The following NFAM1 variants were observed in gnomAD, a reference collection of about 807,000 sequenced individuals.
NFAM1 encodes NFAT activation molecule 1.
In NFAM1, 17 loss-of-function variants were observed where a neutral mutation model predicts 29.0. The observed-to-expected ratio is 0.59, with a 90% CI of 0.40 to 0.88. The LOEUF (loss-of-function observed/expected upper bound fraction) is 0.88, where lower values mean the gene tolerates loss of function less well. Ranked by LOEUF, NFAM1 falls within the 40% of genes least tolerant of loss-of-function variation. NFAM1 has a pLI of 0.00. For missense variants in NFAM1, 324 were observed against 344.6 expected (o/e 0.94, Z 0.47); for synonymous variants, 175 against 147.2 (o/e 1.19, Z -1.36).
chr22:42,397,222 T>C (rs1443328631), intron 4 of NFAM1, among the ~76,000 whole-genome samples: 1 of 152,170 alleles, frequency 6.6e-6, no homozygotes, highest in African/African-American at 2.4e-5. Context: ...TGGGGCAGCC[T>C]GGCCTCCTCG....
Position 42,380,508 on chromosome 22 carries a change from CAG to C in NFAM1, c.*4651_*4652del, listed in dbSNP as rs1928906677. 6.6e-6 allele frequency: 1 copy of C among 152,546 alleles called. No individual in the cohort carries two copies. The highest frequency in any genetic ancestry group is 2.4e-5 in the African/African-American group (1 of 41,454). 9.4% of individuals were successfully genotyped at this position (152,546 alleles called of 1,614,324 possible). A position where few individuals can be genotyped will look rare whatever the true frequency, so the allele number is the denominator to read the frequency against. On this transcript the variant is annotated 3_prime_UTR_variant, in exon 6 of 6. Transcript: ENST00000329021. The stretch of plus-strand genomic sequence containing the variant: ...ACAAAACACACGCCAACACCAAGTT[CAG>C]AGAGTCTGGCCTGACCCGCGCTCAG...
chr22:42,409,562 A>G lies in NFAM1; in HGVS notation c.452-15T>C, dbSNP rs752155180. The G allele has an allele frequency of 1.2e-5, 15 of 1,282,114 alleles. No homozygotes were observed. Among genetic ancestry groups the G allele is most frequent in the South Asian group, 9.3e-5 (6 of 64,294 alleles). 79.4% of individuals were successfully genotyped at this position (1,282,114 alleles called of 1,614,324 possible). On this transcript the variant is annotated splice_polypyrimidine_tract_variant and intron_variant, in intron 2 of 5. Transcript: ENST00000329021. The surrounding 1 kb of genome is among the most constrained non-coding windows in gnomAD (Gnocchi z 4.9). ...GTACCCTGCGTCTAGGAGGAAGCGC[A>G]GGGGAGCAGAGGGGTCAGTGACCCA... is the stretch of plus-strand genomic sequence containing the variant.
At position 42,398,575 on chromosome 22, in the gene NFAM1, C is replaced by T. The variant is rs947203486; in HGVS notation, c.565-619G>A. Reference sequence around the variant, plus strand: ...CTACGGGCATGTGTGCCACCACGCCCGGCTAATTTTGTATTTTTAGTAGAG... The same window carrying T: ...CTACGGGCATGTGTGCCACCACGCCTGGCTAATTTTGTATTTTTAGTAGAG... On this transcript the variant is annotated intron_variant, in intron 3 of 5. Transcript: ENST00000329021. Among the ~76,000 whole-genome samples the T allele has an allele frequency of 7.2e-5, 11 of 151,932 alleles. No homozygotes were observed. The East Asian group carries it at 1.4e-3, about 19-fold the overall frequency.
intron 3 of NFAM1, among the ~76,000 whole-genome samples, chr22:42,404,160 C>T (rs1375213083): frequency 6.6e-6 from 1 of 152,136 alleles, no homozygotes; most frequent in Non-Finnish European, 1.5e-5. Flanking sequence ...TCCCTGCTGG[C>T]CTTTGCAGAA....
chr22:42,413,333 T>A (rs1930155114), intron 1 of NFAM1, among the ~76,000 whole-genome samples: 1 of 152,156 alleles, frequency 6.6e-6, no homozygotes, highest in African/African-American at 2.4e-5. Context: ...TCAGTTCAGC[T>A]CTGAGCCAGA....
intron 3 of NFAM1, among the ~76,000 whole-genome samples, chr22:42,402,466 G>T (rs1011210507): frequency 9.9e-5 from 15 of 152,204 alleles, no homozygotes; most frequent in African/African-American, 3.4e-4. Flanking sequence ...ACAGAGCGCG[G>T]AAGGGCTCGG....
chr22:42,427,521 A>G (rs573315313), intron 1 of NFAM1, among the ~76,000 whole-genome samples: 1 of 152,344 alleles, frequency 6.6e-6, no homozygotes, highest in South Asian at 2.1e-4. Flanking sequence ...TAGAAGCCAC[A>G]TGAGTCCGCA....
At chr22:42,421,005 C>A (rs1930426006) in intron 1 of NFAM1, among the ~76,000 whole-genome samples, 1 of 152,112 alleles carries the variant, frequency 6.6e-6, no homozygotes, top group Admixed American at 6.5e-5. Context: ...GCCTGTGGCT[C>A]CCAAAACAGG....
intron 3 of NFAM1, among the ~76,000 whole-genome samples, chr22:42,403,811 C>T (rs1302741355): frequency 1.3e-5 from 2 of 152,192 alleles, no homozygotes; most frequent in African/African-American, 4.8e-5. Flanking sequence ...AGGGGACCTA[C>T]AGATGACGAG....
intron 1 of NFAM1, among the ~76,000 whole-genome samples, 188 bp from the exon 2 acceptor site, chr22:42,411,924 C>A (rs1930109952): frequency 6.6e-6 from 1 of 152,160 alleles, no homozygotes; most frequent in Non-Finnish European, 1.5e-5. Flanking sequence ...ATGGTGAAAC[C>A]CCGTCTCTAC....
intron 5 of NFAM1, among the ~76,000 whole-genome samples, chr22:42,385,531 C>T (rs1929107975): frequency 6.6e-6 from 1 of 152,128 alleles, no homozygotes; most frequent in Non-Finnish European, 1.5e-5. Flanking sequence ...ACACCTGTTC[C>T]ATGACTGCCC....
In NFAM1 at chr22:42,411,715, G is replaced by C. The variant is rs1409125546; in HGVS notation, c.143C>G (p.Thr48Ser). 1.2e-6 allele frequency: 2 copies of C among 1,613,634 alleles called. No homozygotes were observed. Among genetic ancestry groups the C allele is most frequent in the African/African-American group, 2.7e-5 (2 of 74,940 alleles). ...CAGGGAGGCCATGATGGGCAGGCCG[G>C]TGTGGGTCACTGACTGTCCTCCTGG... ...RLAGGQSVTH[T>S]GLPIMASLAN... is the part of the protein sequence containing the mutation. Residue 48 changes from threonine to serine, a missense_variant, in exon 2 of 6, where the codon ACC becomes AGC. Thr to Ser is a moderately conservative substitution (Grantham distance 58). Coordinates refer to ENST00000329021, the MANE Select transcript of NFAM1 (RefSeq NM_145912.8).
chr22:42,408,012 C>T (rs1266021762), intron 3 of NFAM1, among the ~76,000 whole-genome samples: 1 of 150,848 alleles, frequency 6.6e-6, no homozygotes, highest in Non-Finnish European at 1.5e-5. Flanking sequence ...AAGCAATTCT[C>T]CTGCCTCAGC....
chr22:42,399,462 A>G (rs1201206595), intron 3 of NFAM1, among the ~76,000 whole-genome samples: 1 of 103,216 alleles, frequency 9.7e-6, no homozygotes, highest in African/African-American at 4.5e-5. Context: ...AAAAAAAAAA[A>G]AGAAAGAAAG....
intron 3 of NFAM1, among the ~76,000 whole-genome samples, chr22:42,399,378 C>T (rs1227430189): frequency 1.4e-5 from 2 of 144,452 alleles, no homozygotes; most frequent in Admixed American, 7.2e-5. Context: ...ACCCAGGGGG[C>T]GGAGGTTGCA....
At chr22:42,397,978 G>A (rs967114015) in intron 3 of NFAM1, 22 bp from the exon 4 acceptor site, 1 of 1,372,276 alleles carries the variant, frequency 7.3e-7, no homozygotes, top group Non-Finnish European at 1.0e-6. Flanking sequence ...AAGGAGTCAG[G>A]GCCAGGGATG....
At chr22:42,412,840 C>T (rs1930140042) in intron 1 of NFAM1, among the ~76,000 whole-genome samples, 1 of 152,190 alleles carries the variant, frequency 6.6e-6, no homozygotes, top group African/African-American at 2.4e-5. Context: ...AGGTGCTCCA[C>T]GTGGGGCCAT....
the NFAM1 span, among the ~76,000 whole-genome samples, chr22:42,437,719 C>A: frequency 2.0e-5 from 3 of 152,314 alleles, no homozygotes; most frequent in African/African-American, 7.2e-5. Flanking sequence ...CCTTCTTCCC[C>A]CTCTAGGGGT....
intron 4 of NFAM1, among the ~76,000 whole-genome samples, chr22:42,390,454 G>C (rs1485367302): frequency 1.3e-5 from 2 of 152,046 alleles, no homozygotes; most frequent in East Asian, 3.9e-4. Flanking sequence ...AGGGAAGAGG[G>C]GGCAATTTTG....
Sources: allele counts gnomAD v4.1 joint callset (sites outside exome capture counted in the v4.1 genomes callset), GRCh38; gene constraint gnomAD v4.1.1; non-coding constraint Gnocchi (gnomAD v3.1); transcripts MANE v1.5; gene names NCBI Gene and HGNC (gene_info 2026-07-23, HGNC 2026-07-21).